FDX1: variants seen among roughly 807,000 people sequenced by gnomAD.
The protein encoded by FDX1 is adrenodoxin, mitochondrial.
In FDX1, 9 loss-of-function variants were observed where a neutral mutation model predicts 14.9. That is an observed-to-expected ratio of 0.60 (90% CI 0.36 to 1.05). The LOEUF (loss-of-function observed/expected upper bound fraction) is 1.05, where lower values mean the gene tolerates loss of function less well. Ranked by LOEUF, FDX1 falls within the 50% of genes least tolerant of loss-of-function variation. The pLI, the probability that FDX1 is intolerant of heterozygous loss-of-function variation, is 0.01. For synonymous variants in FDX1, 92 were observed against 99.4 expected (o/e 0.93, Z 0.44); for missense variants, 204 against 237.2 (o/e 0.86, Z 0.92).
intron 2 of FDX1, among the ~76,000 whole-genome samples, chr11:110,443,341 A>G (rs1414911256): frequency 1.3e-5 from 2 of 151,384 alleles, no homozygotes; most frequent in Non-Finnish European, 2.9e-5. Context: ...CAGCACTAGC[A>G]TCTTTGGTAT....
At chr11:110,442,593 C>T (rs1946411868) in intron 2 of FDX1, among the ~76,000 whole-genome samples, 2 of 152,186 alleles carry the variant, frequency 1.3e-5, no homozygotes, top group Admixed American at 1.3e-4. Context: ...TTTGGAATAG[C>T]TATATTTACC....
At chr11:110,448,530 A>G (rs1320721818) in intron 2 of FDX1, among the ~76,000 whole-genome samples, 1 of 152,196 alleles carries the variant, frequency 6.6e-6, no homozygotes, top group African/African-American at 2.4e-5. Context: ...CCGTTGGCAA[A>G]CACTCAAGTT....
chr11:110,433,390 A>G (rs996666832), intron 1 of FDX1, among the ~76,000 whole-genome samples: 1 of 152,236 alleles, frequency 6.6e-6, no homozygotes, highest in Admixed American at 6.5e-5. Context: ...TCTTAAACCT[A>G]GGTTAAATGG....
intron 2 of FDX1, among the ~76,000 whole-genome samples, chr11:110,456,432 T>A (rs533784441): frequency 7.9e-5 from 12 of 152,088 alleles, no homozygotes; most frequent in African/African-American, 2.2e-4. Context: ...TGCGTGTGTG[T>A]GCATGCGTGT....
chr11:110,453,721 T>A (rs538104181), intron 2 of FDX1, among the ~76,000 whole-genome samples: 1 of 152,182 alleles, frequency 6.6e-6, no homozygotes, highest in Non-Finnish European at 1.5e-5. Context: ...AGTTTCTTTT[T>A]ACTTTTCTAT....
At chr11:110,456,681 C>T (rs1245748360) in intron 2 of FDX1, among the ~76,000 whole-genome samples, 2 of 151,738 alleles carry the variant, frequency 1.3e-5, no homozygotes, top group East Asian at 3.9e-4. Flanking sequence ...TAATTTTTGT[C>T]TTAATTTTAG....
At chr11:110,451,631 G>A (rs1185378496) in intron 2 of FDX1, among the ~76,000 whole-genome samples, 1 of 152,156 alleles carries the variant, frequency 6.6e-6, no homozygotes. Flanking sequence ...AAAAATACGT[G>A]CATGTATATG....
At chr11:110,436,392 TAACTACACGTGCAA>T (rs1381251638) in intron 2 of FDX1, among the ~76,000 whole-genome samples, 1 of 152,210 alleles carries the variant, frequency 6.6e-6, no homozygotes, top group African/African-American at 2.4e-5. Context: ...CCATATGCCT[TAACTACACGTGCAA>T]AGCCTGTGTT....
In FDX1 at chr11:110,463,459, T is replaced by TA. The variant is rs1370071923; in HGVS notation, c.*992dup. The TA allele has an allele frequency of 1.3e-5, 2 of 152,256 alleles. No individual in the cohort carries two copies. The highest frequency in any genetic ancestry group is 2.9e-5 in the Non-Finnish European group (2 of 68,046). 9.4% of individuals were successfully genotyped at this position (152,256 alleles called of 1,614,324 possible). Reference sequence around the variant, plus strand: ...TATGTGTGGAAGACATTCGTACTCTTATCTTTACTATAAATAAATTCATAA... The same window carrying TA: ...TATGTGTGGAAGACATTCGTACTCTTAATCTTTACTATAAATAAATTCATAA... On this transcript the variant is annotated 3_prime_UTR_variant, in exon 4 of 4. Transcript: ENST00000260270.
intron 2 of FDX1, among the ~76,000 whole-genome samples, chr11:110,450,791 T>C (rs1946481080): frequency 6.6e-6 from 1 of 152,208 alleles, no homozygotes; most frequent in Non-Finnish European, 1.5e-5. Context: ...TGTTTACATA[T>C]ATGTGTATAT....
chr11:110,437,307 C>CT (rs1244899957), intron 2 of FDX1, among the ~76,000 whole-genome samples: 18 of 152,170 alleles, frequency 1.2e-4, no homozygotes, highest in Admixed American at 5.9e-4. Flanking sequence ...AATACTGAAT[C>CT]TAAGTATTTT....
chr11:110,438,005 T>C (rs1946381813), intron 2 of FDX1, among the ~76,000 whole-genome samples: 1 of 152,240 alleles, frequency 6.6e-6, no homozygotes, highest in East Asian at 1.9e-4. Flanking sequence ...TATATGTGTA[T>C]TACATTTTCT....
rs1281959892 is a variant in FDX1 at position 110,444,707 on chromosome 11, TATATATATATATATAC to T, written c.310+8750_310+8765del. On this transcript the variant is annotated intron_variant, in intron 2 of 3. Coordinates refer to ENST00000260270, the MANE Select transcript of FDX1 (RefSeq NM_004109.5). ...ATACACGTATATATATATATATACG[TATATATATATATATAC>T]GTATATATATATATATATATACACG... Among the ~76,000 whole-genome samples the T allele has an allele frequency of 3.6e-3, 189 of 51,938 alleles. 12 individuals are homozygous for T. The highest frequency in any genetic ancestry group is 8.8e-3 in the African/African-American group (81 of 9,204). The allele number at this position is 51,938 out of a possible 152,430, so 34.1% of individuals were successfully genotyped here.
At chr11:110,441,959 GTGTCCCAGC>G (rs1565381083) in intron 2 of FDX1, among the ~76,000 whole-genome samples, 2 of 152,194 alleles carry the variant, frequency 1.3e-5, no homozygotes, top group African/African-American at 4.8e-5. Flanking sequence ...TTGGTGCTCT[GTGTCCCAGC>G]TGTCCCAGCT....
intron 2 of FDX1, among the ~76,000 whole-genome samples, chr11:110,452,259 AC>A (rs558800115): frequency 3.9e-5 from 6 of 152,142 alleles, no homozygotes; most frequent in Non-Finnish European, 7.4e-5. Context: ...AAAATTAAAA[AC>A]TTTTGTTCTT....
At position 110,430,151 on chromosome 11, in the gene FDX1, C is replaced by A; in HGVS notation, c.31C>A (p.Arg11Ser). 2 of 1,242,326 alleles carry A rather than the reference C, an allele frequency of 1.6e-6. No individual in the cohort carries two copies. The highest frequency in any genetic ancestry group is 3.3e-5 in the East Asian group (1 of 30,546). 77.0% of individuals were successfully genotyped at this position (1,242,326 alleles called of 1,614,324 possible). A position where few individuals can be genotyped will look rare whatever the true frequency, so the allele number is the denominator to read the frequency against. MAAAGGARLL[R>S]AASAVLGGPA... ...TGCCGCTGGGGGCGCCCGGCTGCTG[C>A]GCGCCGCTTCTGCTGTCCTCGGCGG... is the stretch of plus-strand genomic sequence containing the variant. Residue 11 changes from arginine (R) to serine (S), a missense_variant, in exon 1 of 4, where the codon CGC becomes AGC. By Grantham distance (110) the Arg-to-Ser change is moderately radical (BLOSUM62 -1). Coordinates refer to ENST00000260270, the MANE Select transcript of FDX1 (RefSeq NM_004109.5).
chr11:110,434,840 C>T (rs1164007363), intron 1 of FDX1, among the ~76,000 whole-genome samples: 1 of 151,060 alleles, frequency 6.6e-6, no homozygotes, highest in Non-Finnish European at 1.5e-5. Context: ...GGGTGATCCA[C>T]CTCAGCCCCA....
chr11:110,458,804 C>T (rs1946539192), intron 3 of FDX1, among the ~76,000 whole-genome samples: 2 of 152,106 alleles, frequency 1.3e-5, no homozygotes, highest in African/African-American at 2.4e-5. Context: ...GACGGGGTTT[C>T]ACCATGTTGG....
Position 110,435,699 on chromosome 11 carries a change from A to G in FDX1, c.186-135A>G, listed in dbSNP as rs952385264. The G allele has an allele frequency of 5.2e-6, 3 of 580,998 alleles. No homozygotes were observed. The African/African-American group carries it at 5.9e-5, about 11-fold the overall frequency. The allele number at this position is 580,998 out of a possible 1,614,324, so 36.0% of individuals were successfully genotyped here. A position where few individuals can be genotyped will look rare whatever the true frequency, so the allele number is the denominator to read the frequency against. On this transcript the variant is annotated intron_variant, in intron 1 of 3. Coordinates refer to ENST00000260270, the MANE Select transcript of FDX1 (RefSeq NM_004109.5). ...CCCGTCACTACAAAAAATAAAAATA[A>G]AAAAAATTAGCCAGGCGTGGTGCTG...
Sources: allele counts gnomAD v4.1 joint callset (sites outside exome capture counted in the v4.1 genomes callset), GRCh38; gene constraint gnomAD v4.1.1; transcripts MANE v1.5; gene names NCBI Gene and HGNC (gene_info 2026-07-23, HGNC 2026-07-21).